Variants in TEAD2 observed in about 807,000 individuals in gnomAD.
TEAD2 encodes the protein TEA domain transcription factor 2.
A neutral mutation model predicts 61.4 loss-of-function variants in TEAD2; 51 were observed. The ratio of observed to expected loss-of-function variants is 0.83; its 90% confidence interval spans 0.66 to 1.05. The LOEUF is 1.05. TEAD2 is among the 50% of genes least tolerant of loss of function. The pLI, the probability that TEAD2 is intolerant of heterozygous loss-of-function variation, is 0.00. For synonymous variants in TEAD2, 244 were observed against 243.2 expected (o/e 1.00, Z -0.03); for missense variants, 509 against 600.0 (o/e 0.85, Z 1.58).
rs1361540673 is a variant in TEAD2, at chr19:49,343,398, C to T, written c.922G>A (p.Ala308Thr). The T allele has an allele frequency of 1.2e-6, 2 of 1,603,408 alleles. No homozygotes were observed. The highest frequency in any genetic ancestry group is 1.7e-5 in the Admixed American group (1 of 58,880). ...CCACTTGGGCCCCAGTTCAGGTCCG[C>T]CTGGGAGATGGGAAGGCACAGATGA... ...PHAFFLVKFW[A>T]DLNWGPSGEE... Residue 308 changes from alanine to threonine, a missense_variant and splice_region_variant, in exon 11 of 13, where the codon GCG (alanine) becomes ACG (threonine). Physicochemically the swap from Ala to Thr is moderately conservative, Grantham distance 58 (BLOSUM62 0). Transcript: ENST00000593945.
chr19:49,349,756 A>C (rs1027579375), intron 8 of TEAD2, among the ~76,000 whole-genome samples: 1 of 152,194 alleles, frequency 6.6e-6, no homozygotes, highest in Non-Finnish European at 1.5e-5. Context: ...TACAGCCTGC[A>C]GAACTGTGAA....
Position 49,359,732 on chromosome 19 carries a change from C to A in TEAD2, c.232+112G>T. On this transcript the variant is annotated intron_variant, in intron 2 of 12. Transcript: ENST00000593945. This position sits in a 1 kb window ranked among gnomAD's most constrained non-coding sequence, Gnocchi z 4.1. The stretch of plus-strand genomic sequence containing the variant: ...ACTTAACCTAGCTGTGCCTCAGTTT[C>A]CTCATCTGTGCAAATGGTGATGCTA... The A allele has an allele frequency of 8.4e-7, 1 of 1,192,844 alleles. No individual in the cohort carries two copies. Among genetic ancestry groups the A allele is most frequent in the Non-Finnish European group, 1.2e-6 (1 of 829,558 alleles). 73.9% of individuals were successfully genotyped at this position (1,192,844 alleles called of 1,614,324 possible). A position where few individuals can be genotyped will look rare whatever the true frequency, so the allele number is the denominator to read the frequency against.
rs1020466876 is a variant in TEAD2 at position 49,359,460 on chromosome 19, G to T, written c.272C>A (p.Thr91Lys). ...ELIARYIKLR[T>K]GKTRTRKQVS... ...CTGTTTTCGAGTTCGGGTCTTCCCC[G>T]TTCTCAGCTTGATGTAGCGGGCGAT... Residue 91 changes from threonine (T) to lysine (K), a missense_variant, in exon 3 of 13, where the codon ACG (threonine) becomes AAG (lysine). Transcript: ENST00000593945. The surrounding 1 kb of genome is among the most constrained non-coding windows in gnomAD (Gnocchi z 4.1). 1 of 1,614,004 alleles carries T rather than the reference G, an allele frequency of 6.2e-7. No individual in the cohort carries two copies. Among genetic ancestry groups the T allele is most frequent in the Non-Finnish European group, 8.5e-7 (1 of 1,179,990 alleles).
intron 4 of TEAD2, 150 bp downstream of exon 4, chr19:49,357,102 G>T: frequency 3.4e-6 from 2 of 594,882 alleles, no homozygotes; most frequent in South Asian, 2.9e-5. Flanking sequence ...CCCTCTCCCT[G>T]GGTCTCTGTC....
rs1411465421 is a variant in TEAD2, at chr19:49,351,320, G to A, written c.585C>T (p.Pro195=). The stretch of plus-strand genomic sequence containing the variant: ...TCTTACCTGGGAGGTCAGTAGATGG[G>A]GGAGTCAGTGACAAGGTGAACGGTG... ...SQTPFTLSLT[P]PSTDLPGYEP... Residue 195 remains proline, a synonymous_variant, in exon 8 of 13, where the codon CCC becomes CCT. Transcript: ENST00000593945. 6.2e-7 allele frequency: 1 copy of A among 1,612,456 alleles called. No homozygotes were observed. Among genetic ancestry groups the A allele is most frequent in the East Asian group, 2.2e-5 (1 of 44,860 alleles).
intron 10 of TEAD2, among the ~76,000 whole-genome samples, chr19:49,343,602 G>A (rs1971440063): frequency 6.6e-6 from 1 of 152,096 alleles, no homozygotes; most frequent in Non-Finnish European, 1.5e-5. Context: ...AGCCGGGCGT[G>A]GTGGTGCATG....
rs769480996 is a variant in TEAD2, at chr19:49,360,055, C to T, written c.21G>A (p.Gly7=). The T allele has an allele frequency of 3.1e-6, 5 of 1,606,622 alleles. No individual in the cohort carries two copies. Among genetic ancestry groups the T allele is most frequent in the Non-Finnish European group, 4.2e-6 (5 of 1,179,734 alleles). Reference sequence around the variant, plus strand: ...AGCCGCTGCCATCGTCCAGGGCGGCCCCAGCCCGGGGTTCCCCCATCTGGG... The same window carrying T: ...AGCCGCTGCCATCGTCCAGGGCGGCTCCAGCCCGGGGTTCCCCCATCTGGG... MGEPRA[G]AALDDGSGWT... Residue 7 remains glycine (G), a synonymous_variant, in exon 2 of 13, where the codon GGG becomes GGA. Transcript: ENST00000593945.
chr19:49,359,633 A>G lies in TEAD2; in HGVS notation c.233-134T>C. The G allele has an allele frequency of 8.8e-7, 1 of 1,137,066 alleles. No individual in the cohort carries two copies. Among genetic ancestry groups the G allele is most frequent in the Admixed American group, 1.9e-5 (1 of 52,670 alleles). 70.4% of individuals were successfully genotyped at this position (1,137,066 alleles called of 1,614,324 possible). On this transcript the variant is annotated intron_variant, in intron 2 of 12. Transcript: ENST00000593945. The surrounding 1 kb of genome is among the most constrained non-coding windows in gnomAD (Gnocchi z 4.1). ...AAGTGGGCTGCCGGTCCCCTCAGCT[A>G]CGTGGAAGCCAGACTGCTTGGGTTC...
At chr19:49,349,007 C>A in intron 8 of TEAD2, 162 bp from the exon 9 acceptor site, 2 of 825,404 alleles carry the variant, frequency 2.4e-6, no homozygotes, top group Non-Finnish European at 3.4e-6. Context: ...CAGTCCTAGC[C>A]AATGAGACGT....
chr19:49,353,621 C>A lies in TEAD2; in HGVS notation c.539+1527G>T, dbSNP rs146014487. On this transcript the variant is annotated intron_variant, in intron 7 of 12. Coordinates refer to ENST00000593945, the MANE Select transcript of TEAD2 (RefSeq NM_001256660.2). ...GAAAGCGGAAACCCCAGCGTCAGGG[C>A]AGTGCCTGCCCAGCCCCCTACCTTC... Among the ~76,000 whole-genome samples the A allele has an allele frequency of 1.4e-3, 208 of 152,232 alleles. 1 individual carries two copies. The highest frequency in any genetic ancestry group is 4.8e-3 in the African/African-American group (199 of 41,518).
At position 49,355,413 on chromosome 19, in the gene TEAD2, C is replaced by T. The variant is rs779759050; in HGVS notation, c.379G>A (p.Val127Ile). 25 of 1,613,948 alleles carry T rather than the reference C, an allele frequency of 1.5e-5. No homozygotes were observed. Among genetic ancestry groups the T allele is most frequent in the Admixed American group, 6.7e-5 (4 of 59,992 alleles). ...GTCTGGAAAGCCTTGTCCTTGGAAA[C>T]CTGGTCCTGGAGGAGGAGGCGGAAG... ...SKLKALNVDQ[V>I]SKDKAFQTMA... Residue 127 changes from valine (V) to isoleucine (I), a missense_variant, in exon 6 of 13, where the codon GTT (valine) becomes ATT (isoleucine). Coordinates refer to ENST00000593945, the MANE Select transcript of TEAD2 (RefSeq NM_001256660.2).
intron 7 of TEAD2, among the ~76,000 whole-genome samples, chr19:49,352,330 T>A (rs951415177): frequency 1.3e-5 from 2 of 152,180 alleles, no homozygotes; most frequent in Non-Finnish European, 2.9e-5. Flanking sequence ...TATTTAATTT[T>A]AATTTAAATA....
chr19:49,358,548 G>C (rs532103536), intron 3 of TEAD2, among the ~76,000 whole-genome samples: 1 of 152,026 alleles, frequency 6.6e-6, no homozygotes, highest in Non-Finnish European at 1.5e-5. Context: ...GCTTCCTGAG[G>C]CCTCACCAGG....
intron 10 of TEAD2, among the ~76,000 whole-genome samples, chr19:49,343,855 TG>T (rs549395579): frequency 0.081 from 9,206 of 113,504 alleles, 682 homozygotes; most frequent in Non-Finnish European, 0.11. Context: ...TCTTTTTTTT[TG>T]GGGGGGGGGG....
rs759070294 is a variant in TEAD2 at position 49,359,534 on chromosome 19, C to A, written c.233-35G>T. 1 of 1,610,998 alleles carries A rather than the reference C, an allele frequency of 6.2e-7. No individual in the cohort carries two copies. The highest frequency in any genetic ancestry group is 8.5e-7 in the Non-Finnish European group (1 of 1,177,380). Reference sequence around the variant, plus strand: ...CAAAGACGGAACAGAGTTAGTTAGACTTTCAACAGAACTTCCCCACAGCAT... The same window carrying A: ...CAAAGACGGAACAGAGTTAGTTAGAATTTCAACAGAACTTCCCCACAGCAT... On this transcript the variant is annotated intron_variant, in intron 2 of 12. Transcript: ENST00000593945. The surrounding 1 kb of genome is among the most constrained non-coding windows in gnomAD (Gnocchi z 4.1).
At chr19:49,357,195 T>C in intron 4 of TEAD2, 57 bp downstream of exon 4, 1 of 1,556,758 alleles carries the variant, frequency 6.4e-7, no homozygotes, top group Non-Finnish European at 8.8e-7. Context: ...TTTCTGGGTC[T>C]CGGTCCCCCA....
chr19:49,344,976 C>T (rs3138145), intron 10 of TEAD2, among the ~76,000 whole-genome samples: 4 of 152,202 alleles, frequency 2.6e-5, no homozygotes, highest in Admixed American at 2.6e-4. Context: ...TAGTTGCTAA[C>T]ACTGTGCCAG....
At chr19:49,353,223 G>A (rs1042479173) in intron 7 of TEAD2, among the ~76,000 whole-genome samples, 9 of 151,642 alleles carry the variant, frequency 5.9e-5, no homozygotes, top group South Asian at 4.2e-4. Flanking sequence ...CTCAGGCTCC[G>A]GAGTAGCTGG....
chr19:49,341,320 C>T lies in TEAD2; in HGVS notation c.*4G>A. The T allele has an allele frequency of 6.2e-7, 1 of 1,613,370 alleles. No individual in the cohort carries two copies. Among genetic ancestry groups the T allele is most frequent in the Non-Finnish European group, 8.5e-7 (1 of 1,179,484 alleles). ...GGGGGGTGAGCCAGTTTTGGGGTCC[C>T]CCTTCAGTCCCTGACCAGGCGGTAA... On this transcript the variant is annotated 3_prime_UTR_variant, in exon 13 of 13. Coordinates refer to ENST00000593945, the MANE Select transcript of TEAD2 (RefSeq NM_001256660.2). The surrounding 1 kb of genome is among the most constrained non-coding windows in gnomAD (Gnocchi z 4.2).
Sources: allele counts gnomAD v4.1 joint callset (sites outside exome capture counted in the v4.1 genomes callset), GRCh38; gene constraint gnomAD v4.1.1; non-coding constraint Gnocchi (gnomAD v3.1); transcripts MANE v1.5; gene names NCBI Gene and HGNC (gene_info 2026-07-23, HGNC 2026-07-21).